The following ZNF804B variants were observed in gnomAD, a reference collection of about 807,000 sequenced individuals.
ZNF804B encodes zinc finger 804B.
In ZNF804B, 80 loss-of-function variants were observed where a neutral mutation model predicts 101.4. The ratio of observed to expected loss-of-function variants is 0.79; its 90% CI spans 0.66 to 0.95. ZNF804B has a LOEUF of 0.95. Ranked by LOEUF, ZNF804B falls within the 40% of genes least tolerant of loss-of-function variation. The probability of loss-of-function intolerance (pLI) is 0.00; values close to 1 mark genes in which losing one functional copy is unlikely to be tolerated. For synonymous variants in ZNF804B, 622 were observed against 558.8 expected (o/e 1.11, Z -1.59); for missense variants, 1,673 against 1,561.9 (o/e 1.07, Z -1.20).
At chr7:89,183,061 A>G in intron 1 of ZNF804B, among the ~76,000 whole-genome samples, 1 of 152,194 alleles carries the variant, frequency 6.6e-6, no homozygotes, top group East Asian at 1.9e-4. Context: ...GGTAAAAATT[A>G]GTTTTGGCAA....
chr7:89,050,303 T>G (rs979233336), intron 1 of ZNF804B, among the ~76,000 whole-genome samples: 1 of 151,512 alleles, frequency 6.6e-6, no homozygotes, highest in African/African-American at 2.4e-5. Flanking sequence ...GAAGGGATTA[T>G]GGGTTATTGC....
chr7:89,167,280 T>TAAA (rs565635692), intron 1 of ZNF804B, among the ~76,000 whole-genome samples: 3 of 142,912 alleles, frequency 2.1e-5, no homozygotes, highest in East Asian at 2.0e-4. Context: ...TGCTAAAAAT[T>TAAA]AAAAAAAAAA....
At chr7:89,002,069 T>C (rs1788298665) in intron 1 of ZNF804B, among the ~76,000 whole-genome samples, 1 of 151,666 alleles carries the variant, frequency 6.6e-6, no homozygotes, top group Non-Finnish European at 1.5e-5. Context: ...ATGTATTATA[T>C]ATTTAGATAT....
chr7:89,165,380 G>T (rs560305635), intron 1 of ZNF804B, among the ~76,000 whole-genome samples: 1 of 151,948 alleles, frequency 6.6e-6, no homozygotes, highest in Non-Finnish European at 1.5e-5. Flanking sequence ...ATGCAAGCAG[G>T]TTAAATTGAA....
chr7:88,950,774 A>G (rs1003926212), intron 1 of ZNF804B, among the ~76,000 whole-genome samples: 5 of 151,892 alleles, frequency 3.3e-5, no homozygotes, highest in African/African-American at 4.8e-5. Context: ...ATCCTATTTT[A>G]AGCTGTAAAA....
intron 1 of ZNF804B, among the ~76,000 whole-genome samples, chr7:89,145,293 A>G (rs994191070): frequency 6.6e-6 from 1 of 152,074 alleles, no homozygotes; most frequent in African/African-American, 2.4e-5. Context: ...TTATTCATAG[A>G]TAACAGATGG....
At chr7:89,218,053 T>A (rs564603486) in intron 1 of ZNF804B, 102 bp from the exon 2 acceptor site, 17 of 1,168,724 alleles carry the variant, frequency 1.5e-5, no homozygotes, top group Non-Finnish European at 2.0e-5. Flanking sequence ...AACAATGTGC[T>A]CCGTCATATT....
chr7:89,031,321 C>A (rs1449096538), intron 1 of ZNF804B, among the ~76,000 whole-genome samples: 2 of 151,474 alleles, frequency 1.3e-5, no homozygotes, highest in Non-Finnish European at 2.9e-5. Flanking sequence ...CCTTTGCGCA[C>A]GGCCCCTGTG....
chr7:88,852,114 G>A (rs904201425), intron 1 of ZNF804B, among the ~76,000 whole-genome samples: 14 of 152,058 alleles, frequency 9.2e-5, no homozygotes, highest in African/African-American at 1.2e-4. Flanking sequence ...GCCTCAAAGA[G>A]GGAATGCAAA....
chr7:89,023,435 A>G (rs1050936175), intron 1 of ZNF804B, among the ~76,000 whole-genome samples: 1 of 152,194 alleles, frequency 6.6e-6, no homozygotes, highest in Non-Finnish European at 1.5e-5. Context: ...TACCACAAAT[A>G]CTTTGCTCTG....
At chr7:89,166,675 G>A (rs1231960571) in intron 1 of ZNF804B, among the ~76,000 whole-genome samples, 1 of 152,144 alleles carries the variant, frequency 6.6e-6, no homozygotes, top group Non-Finnish European at 1.5e-5. Context: ...AAGTCCCATA[G>A]CGTTATTTAA....
At chr7:88,888,740 A>G (rs990136388) in intron 1 of ZNF804B, among the ~76,000 whole-genome samples, 4 of 152,098 alleles carry the variant, frequency 2.6e-5, no homozygotes, top group Admixed American at 2.0e-4. Context: ...AAGAGGTAGG[A>G]TTGTAATCCC....
At chr7:89,145,864 AT>A (rs199739616) in intron 1 of ZNF804B, among the ~76,000 whole-genome samples, 11 of 152,128 alleles carry the variant, frequency 7.2e-5, no homozygotes, top group East Asian at 3.9e-4. Context: ...AGGATAAGGA[AT>A]TTAAAAAAAA....
chr7:88,898,764 G>A (rs561698347), intron 1 of ZNF804B, among the ~76,000 whole-genome samples: 125 of 152,290 alleles, frequency 8.2e-4, no homozygotes, highest in Middle Eastern at 3.4e-3. Flanking sequence ...GTGCTGAAGA[G>A]AGGCCTGGTG....
chr7:88,879,497 G>A (rs1792000649), intron 1 of ZNF804B, among the ~76,000 whole-genome samples: 1 of 152,060 alleles, frequency 6.6e-6, no homozygotes, highest in Non-Finnish European at 1.5e-5. Flanking sequence ...CAAGAAGTAT[G>A]GAATTTATGT....
At chr7:89,220,706 T>C (rs1207718432) in intron 2 of ZNF804B, among the ~76,000 whole-genome samples, 1 of 151,984 alleles carries the variant, frequency 6.6e-6, no homozygotes, top group Non-Finnish European at 1.5e-5. Flanking sequence ...CAGTTAGTGC[T>C]CTTGTTACCT....
chr7:89,073,946 C>T (rs531799509), intron 1 of ZNF804B, among the ~76,000 whole-genome samples: 14 of 152,236 alleles, frequency 9.2e-5, no homozygotes, highest in Admixed American at 7.8e-4. Flanking sequence ...CAGCCCAGAG[C>T]TTGTCATAGT....
At chr7:89,218,419 T>A in intron 2 of ZNF804B, 124 bp downstream of exon 2, 1 of 1,179,222 alleles carries the variant, frequency 8.5e-7, no homozygotes, top group Non-Finnish European at 1.2e-6. Context: ...ATGTCTTTTT[T>A]CCCCCCTGGA....
Position 88,794,213 on chromosome 7 carries a change from C to T in ZNF804B, c.108+34129C>T, listed in dbSNP as rs763426089. ...CGTGAAGGAGCAGGCCATACCACCT[C>T]AGAATCCAGAGTGATGTGTATGGGT... On this transcript the variant is annotated intron_variant, in intron 1 of 3. Coordinates refer to ENST00000333190, the MANE Select transcript of ZNF804B (RefSeq NM_181646.5). 5.6e-6 allele frequency: 9 copies of T among 1,612,342 alleles called. No homozygotes were observed. In the Admixed American group the frequency reaches 1.2e-4, roughly 21 times the overall value.
Sources: allele counts gnomAD v4.1 joint callset (sites outside exome capture counted in the v4.1 genomes callset), GRCh38; gene constraint gnomAD v4.1.1; transcripts MANE v1.5; gene names NCBI Gene and HGNC (gene_info 2026-07-23, HGNC 2026-07-21).